The following SCN8A variants were observed in gnomAD, a reference collection of about 807,000 sequenced individuals.
The protein encoded by SCN8A is sodium channel protein type 8 subunit alpha.
In SCN8A, 30 loss-of-function variants were observed where a neutral mutation model predicts 184.1. That is an observed-to-expected ratio of 0.16 (90% CI 0.12 to 0.22). The LOEUF is 0.22. SCN8A is among the 10% of genes least tolerant of loss of function. The pLI is 1.00. For missense variants in SCN8A, 1,057 were observed against 2,498.9 expected (o/e 0.42, Z 12.30); for synonymous variants, 852 against 907.0 (o/e 0.94, Z 1.09).
In SCN8A at chr12:51,626,347, A is replaced by G. The variant is rs1023755974; in HGVS notation, c.-55+34988A>G. Among the ~76,000 whole-genome samples, 15 of 152,146 alleles carry G rather than the reference A, an allele frequency of 9.9e-5. 1 individual carries two copies. The highest frequency in any genetic ancestry group is 8.5e-4 in the Admixed American group (13 of 15,274). On this transcript the variant is annotated intron_variant, in intron 1 of 26. Transcript: ENST00000627620. The stretch of plus-strand genomic sequence containing the variant: ...GGCCATTAGTTTGGCCTTGTGATCT[A>G]TGGATGCCAGATAGACAAATACAGA...
In SCN8A at chr12:51,645,641, C is replaced by T. The variant is rs554486259; in HGVS notation, c.-54-17123C>T. 2.2e-4 allele frequency among the ~76,000 whole-genome samples: 33 copies of T among 152,190 alleles called. 1 individual carries two copies. The East Asian group carries it at 4.2e-3, about 20-fold the overall frequency. Reference sequence around the variant, plus strand: ...AATTCTGCCTTGGGATCCTGTTGATCGGTGACCTTACCCCCAACCCTGTGC... The same window carrying T: ...AATTCTGCCTTGGGATCCTGTTGATTGGTGACCTTACCCCCAACCCTGTGC... On this transcript the variant is annotated intron_variant, in intron 1 of 26. Coordinates refer to ENST00000627620, the MANE Select transcript of SCN8A (RefSeq NM_001330260.2).
chr12:51,721,081 T>TTTTATA (rs1555221358), intron 11 of SCN8A, among the ~76,000 whole-genome samples: 1 of 86,818 alleles, frequency 1.2e-5, no homozygotes, highest in Non-Finnish European at 2.2e-5. Context: ...AAAAAAAAAA[T>TTTTATA]TATATATATA....
chr12:51,723,279 T>C (rs1359997825), intron 12 of SCN8A: 2 of 151,574 alleles, frequency 1.3e-5, no homozygotes, highest in East Asian at 3.9e-4. Context: ...AAACCAGGAG[T>C]TGGAGACCAG....
chr12:51,756,527 C>A (rs903485208), intron 14 of SCN8A, among the ~76,000 whole-genome samples: 13 of 152,210 alleles, frequency 8.5e-5, no homozygotes, highest in African/African-American at 3.1e-4. Flanking sequence ...TCTGCTAAGT[C>A]CCCCACCCCC....
rs556531210 is a variant in SCN8A, at chr12:51,713,701, A to G, written c.1635+6986A>G. On this transcript the variant is annotated intron_variant, in intron 11 of 26. Coordinates refer to ENST00000627620, the MANE Select transcript of SCN8A (RefSeq NM_001330260.2). ...GGCTCAGGGCAGTTTATAAATATTA[A>G]GTTGAGCCTATTTTTTCAAAGTATT... 7.1e-6 allele frequency: 3 copies of G among 421,598 alleles called. No homozygotes were observed. The South Asian group carries it at 2.0e-4, about 28-fold the overall frequency. The allele number at this position is 421,598 out of a possible 1,614,324, so 26.1% of individuals were successfully genotyped here.
chr12:51,796,817 G>C (rs909263697), intron 26 of SCN8A, among the ~76,000 whole-genome samples: 1 of 152,214 alleles, frequency 6.6e-6, no homozygotes, highest in Admixed American at 6.5e-5. Context: ...GAAGAACTCA[G>C]AGTCTTATGT....
chr12:51,788,287 C>CTTTTTTTTTTTTTTTTTTTTTT (rs66672221), intron 22 of SCN8A, among the ~76,000 whole-genome samples: 4 of 84,004 alleles, frequency 4.8e-5, no homozygotes, highest in African/African-American at 2.0e-4. Context: ...CGCTTAACAC[C>CTTTTTTTTTTTTTTTTTTTTTT]TTTTTTTTTT....
intron 13 of SCN8A, among the ~76,000 whole-genome samples, chr12:51,747,009 A>G (rs1942521020): frequency 6.6e-6 from 1 of 151,982 alleles, no homozygotes. Flanking sequence ...GAGACAGGAA[A>G]ACTCAAAATG....
At chr12:51,708,683 C>T (rs895833781) in intron 11 of SCN8A, among the ~76,000 whole-genome samples, 1 of 152,168 alleles carries the variant, frequency 6.6e-6, no homozygotes, top group African/African-American at 2.4e-5. Context: ...CATTCCTTAA[C>T]CTTATCTTAG....
intron 2 of SCN8A, among the ~76,000 whole-genome samples, chr12:51,678,242 A>G (rs766130490): frequency 2.0e-5 from 3 of 152,190 alleles, no homozygotes; most frequent in Non-Finnish European, 1.5e-5. Flanking sequence ...GAGATAGTGC[A>G]GGGAAAAGCA....
At chr12:51,679,810 T>C (rs1941297419) in intron 2 of SCN8A, among the ~76,000 whole-genome samples, 1 of 149,134 alleles carries the variant, frequency 6.7e-6, no homozygotes, top group Non-Finnish European at 1.5e-5. Flanking sequence ...ACTGCAAGCT[T>C]TGCCTCCTGG....
intron 1 of SCN8A, among the ~76,000 whole-genome samples, chr12:51,647,866 G>A (rs2138645474): frequency 6.6e-6 from 1 of 152,330 alleles, no homozygotes; most frequent in African/African-American, 2.4e-5. Context: ...TCCTCCCAGT[G>A]CAGAGCTGCT....
intron 3 of SCN8A, 143 bp from the exon 4 acceptor site, chr12:51,686,225 T>G (rs1941416905): frequency 3.1e-6 from 2 of 652,894 alleles, no homozygotes; most frequent in Non-Finnish European, 5.4e-6. Context: ...ACAGTTTTCA[T>G]TGTCACCTTG....
At chr12:51,786,895 G>GT (rs1053167288) in intron 22 of SCN8A, 69 bp downstream of exon 22, 3 of 1,437,144 alleles carry the variant, frequency 2.1e-6, no homozygotes, top group Admixed American at 4.4e-5. Flanking sequence ...AATCCCATTT[G>GT]GCTTCTTCTC....
chr12:51,746,762 C>T (rs1322830755), intron 13 of SCN8A, among the ~76,000 whole-genome samples: 1 of 152,178 alleles, frequency 6.6e-6, no homozygotes, highest in Non-Finnish European at 1.5e-5. Flanking sequence ...CACAGTCCCC[C>T]TAGCAAGAAT....
intron 15 of SCN8A, 32 bp from the exon 16 acceptor site, chr12:51,765,639 T>C: frequency 7.8e-7 from 1 of 1,276,172 alleles, no homozygotes; most frequent in Non-Finnish European, 1.0e-6. Flanking sequence ...GAGTATCATT[T>C]ATTTTTTTGT....
At chr12:51,672,494 A>G (rs1305612519) in intron 2 of SCN8A, among the ~76,000 whole-genome samples, 2 of 151,890 alleles carry the variant, frequency 1.3e-5, no homozygotes, top group Admixed American at 6.6e-5. Context: ...TTTCCCTAAA[A>G]TGTTTATATT....
chr12:51,797,061 C>T (rs566351939), intron 26 of SCN8A, among the ~76,000 whole-genome samples: 2 of 152,264 alleles, frequency 1.3e-5, no homozygotes, highest in South Asian at 2.1e-4. Context: ...CACCCAGAAA[C>T]GATACTTTGC....
intron 2 of SCN8A, among the ~76,000 whole-genome samples, chr12:51,678,666 A>G (rs954344907): frequency 1.2e-4 from 19 of 152,220 alleles, no homozygotes; most frequent in Admixed American, 6.5e-5. Flanking sequence ...GTTTTAGCAC[A>G]TGACCTGAGA....
Sources: gnomAD v4.1 joint callset for allele counts (sites outside exome capture counted in the v4.1 genomes callset) on GRCh38, gnomAD v4.1.1 for gene constraint, MANE v1.5 for transcripts, NCBI Gene and HGNC (gene_info 2026-07-23, HGNC 2026-07-21) for gene names.